Variants in PRKG1 observed in about 807,000 individuals in gnomAD.
PRKG1 encodes cGMP-dependent protein kinase 1.
Under a neutral mutation model 88.1 loss-of-function variants are expected in PRKG1, and 35 were observed. The observed-to-expected ratio is 0.40, with a 90% CI of 0.30 to 0.53. PRKG1 has a LOEUF of 0.53. Among genes scored for constraint, PRKG1 ranks in the 20% least tolerant of loss-of-function variants. The pLI is 0.59. For synonymous variants in PRKG1, 303 were observed against 292.5 expected, an observed-to-expected ratio of 1.04 and a Z score of -0.37; for missense variants, 540 against 839.8, an observed-to-expected ratio of 0.64 and a Z score of 4.41.
chr10:52,286,947 G>T (rs1842130227), intron 14 of PRKG1, among the ~76,000 whole-genome samples: 1 of 151,930 alleles, frequency 6.6e-6, no homozygotes, highest in Non-Finnish European at 1.5e-5. Flanking sequence ...CAAATGTAGA[G>T]CATTCTGAAT....
intron 1 of PRKG1, among the ~76,000 whole-genome samples, chr10:51,130,793 C>G (rs1178639588): frequency 6.6e-6 from 1 of 151,972 alleles, no homozygotes; most frequent in Non-Finnish European, 1.5e-5. Flanking sequence ...ATCCCAGCTA[C>G]TAGGGAGGCT....
At chr10:51,606,074 A>C (rs1012168539) in intron 3 of PRKG1, among the ~76,000 whole-genome samples, 1 of 152,154 alleles carries the variant, frequency 6.6e-6, no homozygotes, top group African/African-American at 2.4e-5. Flanking sequence ...TATTGATGAC[A>C]TTGTTGGTTT....
chr10:51,290,400 G>A (rs7069629), intron 2 of PRKG1, among the ~76,000 whole-genome samples: 70,515 of 151,766 alleles, frequency 0.46, 17,843 homozygotes, highest in African/African-American at 0.67. Flanking sequence ...GAGGCAGGAG[G>A]ATTACTTGAG....
chr10:51,741,783 T>C lies in PRKG1; in HGVS notation c.593-62802T>C, dbSNP rs186165791. ...CGGTAAAAAATAAGGTTCTTCGCAT[T>C]TACCTGTAACCCCAGAGTTTTCAGT... On this transcript the variant is annotated intron_variant, in intron 3 of 17. Coordinates refer to ENST00000373980, the MANE Select transcript of PRKG1 (RefSeq NM_006258.4). Among the ~76,000 whole-genome samples the C allele has an allele frequency of 6.0e-4, 92 of 152,330 alleles. 2 individuals carry two copies. The highest frequency in any genetic ancestry group is 1.7e-3 in the South Asian group (8 of 4,832).
chr10:51,331,657 C>T (rs1036021806), intron 2 of PRKG1, among the ~76,000 whole-genome samples: 1 of 152,186 alleles, frequency 6.6e-6, no homozygotes, highest in Non-Finnish European at 1.5e-5. Context: ...CAACTACATA[C>T]CGTGACCTCT....
intron 1 of PRKG1, among the ~76,000 whole-genome samples, chr10:51,100,492 A>G (rs1380542305): frequency 1.3e-5 from 2 of 152,172 alleles, no homozygotes; most frequent in Non-Finnish European, 2.9e-5. Flanking sequence ...AATGTCTCCA[A>G]TATGTAACAC....
At chr10:51,374,082 CAAA>C (rs769407143) in intron 2 of PRKG1, among the ~76,000 whole-genome samples, 3 of 95,594 alleles carry the variant, frequency 3.1e-5, no homozygotes, top group Non-Finnish European at 4.4e-5. Context: ...GCAGAGGTTG[CAAA>C]AAAAAAAAAT....
At chr10:51,997,523 T>C (rs969195349) in intron 5 of PRKG1, among the ~76,000 whole-genome samples, 8 of 149,970 alleles carry the variant, frequency 5.3e-5, no homozygotes, top group African/African-American at 2.0e-4. Context: ...TTCTATAACA[T>C]AGTGGCTATA....
chr10:51,078,047 C>A (rs1011645035), intron 1 of PRKG1, among the ~76,000 whole-genome samples: 1 of 152,318 alleles, frequency 6.6e-6, no homozygotes, highest in East Asian at 1.9e-4. Flanking sequence ...AAATTTTGAT[C>A]TAAACCCCTT....
intron 4 of PRKG1, among the ~76,000 whole-genome samples, chr10:51,890,609 T>C (rs868458700): frequency 6.6e-6 from 1 of 152,206 alleles, no homozygotes; most frequent in Non-Finnish European, 1.5e-5. Flanking sequence ...GGTAAACAAT[T>C]AGAAGTTTCA....
chr10:51,726,916 A>G (rs968612569), intron 3 of PRKG1, among the ~76,000 whole-genome samples: 4 of 151,790 alleles, frequency 2.6e-5, no homozygotes, highest in Non-Finnish European at 5.9e-5. Flanking sequence ...AGCTGGGACT[A>G]CAGGCACCCG....
chr10:51,933,564 C>A (rs541266853), intron 5 of PRKG1, among the ~76,000 whole-genome samples: 3 of 151,932 alleles, frequency 2.0e-5, no homozygotes, highest in African/African-American at 7.2e-5. Context: ...AAACAGAAAT[C>A]CAGATTTTTA....
rs58331122 is a variant in PRKG1, at chr10:51,009,331, A to G, written c.266+17687A>G. ...AATTAAATTATACATTTTGAAACACAGTTATATTTAGGGATAAACTATTTT... is the reference window on the plus strand; with the variant it reads ...AATTAAATTATACATTTTGAAACACGGTTATATTTAGGGATAAACTATTTT... On this transcript the variant is annotated intron_variant, in intron 1 of 17. Coordinates refer to the PRKG1 transcript ENST00000401604. 3.4e-3 allele frequency among the ~76,000 whole-genome samples: 511 copies of G among 152,334 alleles called. 1 individual carries two copies. The highest frequency in any genetic ancestry group is 0.012 in the African/African-American group (495 of 41,590).
intron 3 of PRKG1, among the ~76,000 whole-genome samples, chr10:51,545,475 TGGAAA>T (rs2132118857): frequency 1.3e-5 from 2 of 152,252 alleles, no homozygotes; most frequent in East Asian, 3.9e-4. Flanking sequence ...CCTTGGTGGA[TGGAAA>T]GCATCCCTTC....
chr10:51,199,538 C>T (rs867568215), intron 2 of PRKG1, among the ~76,000 whole-genome samples: 18 of 152,164 alleles, frequency 1.2e-4, no homozygotes, highest in South Asian at 4.1e-4. Context: ...CTACCATTAT[C>T]GGCTGTGTTA....
At chr10:51,645,583 T>A (rs1839897635) in intron 3 of PRKG1, among the ~76,000 whole-genome samples, 1 of 152,160 alleles carries the variant, frequency 6.6e-6, no homozygotes, top group South Asian at 2.1e-4. Flanking sequence ...TTTTTTGGAG[T>A]CTGATTAACT....
chr10:52,180,245 G>A (rs904770554), intron 9 of PRKG1, among the ~76,000 whole-genome samples: 1 of 152,034 alleles, frequency 6.6e-6, no homozygotes, highest in African/African-American at 2.4e-5. Context: ...TTAAATTCTT[G>A]AGCTCTAAAA....
intron 2 of PRKG1, among the ~76,000 whole-genome samples, chr10:51,210,228 C>T (rs1369515495): frequency 2.6e-5 from 4 of 151,984 alleles, no homozygotes; most frequent in Non-Finnish European, 4.4e-5. Context: ...GGGTACATAA[C>T]GAAATGAAGG....
intron 3 of PRKG1, among the ~76,000 whole-genome samples, chr10:51,768,727 A>G (rs1305812348): frequency 3.3e-5 from 5 of 152,174 alleles, no homozygotes; most frequent in African/African-American, 1.2e-4. Context: ...CTGAGGACAT[A>G]AAAGATGGTA....
Sources: allele counts gnomAD v4.1 joint callset (sites outside exome capture counted in the v4.1 genomes callset), GRCh38; gene constraint gnomAD v4.1.1; transcripts MANE v1.5; gene names NCBI Gene and HGNC (gene_info 2026-07-23, HGNC 2026-07-21).